BMPER: variants seen among roughly 807,000 people sequenced by gnomAD.
BMPER encodes BMP-binding endothelial regulator protein.
A neutral mutation model predicts 87.3 loss-of-function variants in BMPER; 45 were observed. That is an observed-to-expected ratio of 0.52 (90% CI 0.41 to 0.66). The LOEUF is 0.66. Ranked by LOEUF, BMPER falls within the 30% of genes least tolerant of loss-of-function variation. BMPER has a pLI of 0.00. For missense variants in BMPER, 784 were observed against 867.5 expected (o/e 0.90, Z 1.21); for synonymous variants, 326 against 316.2 (o/e 1.03, Z -0.33).
chr7:33,951,510 A>G (rs1247930747), intron 3 of BMPER, among the ~76,000 whole-genome samples: 5 of 152,058 alleles, frequency 3.3e-5, no homozygotes, highest in Admixed American at 2.6e-4. Flanking sequence ...CCCGGCATCC[A>G]TGGGTACTTG....
intron 13 of BMPER, among the ~76,000 whole-genome samples, chr7:34,128,643 A>C (rs945088339): frequency 6.6e-6 from 1 of 152,232 alleles, no homozygotes; most frequent in Admixed American, 6.5e-5. Flanking sequence ...TTTTTATGTT[A>C]TATAATGTGT....
At chr7:33,988,261 T>C (rs1302526293) in intron 6 of BMPER, among the ~76,000 whole-genome samples, 1 of 152,188 alleles carries the variant, frequency 6.6e-6, no homozygotes, top group Non-Finnish European at 1.5e-5. Context: ...TTTTTTGACA[T>C]TGATGGGAAA....
chr7:33,972,966 T>C (rs1477145700), intron 5 of BMPER, among the ~76,000 whole-genome samples: 1 of 152,176 alleles, frequency 6.6e-6, no homozygotes, highest in Non-Finnish European at 1.5e-5. Flanking sequence ...TTGGGTATCT[T>C]CCTTGGTCAC....
intron 3 of BMPER, among the ~76,000 whole-genome samples, chr7:33,955,133 G>A (rs942115026): frequency 5.3e-5 from 8 of 152,214 alleles, no homozygotes; most frequent in African/African-American, 1.9e-4. Flanking sequence ...TCGATCTCAG[G>A]TGATTTGCCT....
rs60588204 is a variant in BMPER, at chr7:34,070,816, C to CTTTTTTTTTTTTTTTTTT, written c.1079-8038_1079-8021dup. ...TCCCAAACTAATTTGAGCGGCAGAG[C>CTTTTTTTTTTTTTTTTTT]TTTTTTTTTTTTTTTTTTTTAATTT... On this transcript the variant is annotated intron_variant, in intron 11 of 14. Coordinates refer to ENST00000649409, the MANE Select transcript of BMPER (RefSeq NM_001365308.1). Among the ~76,000 whole-genome samples the CTTTTTTTTTTTTTTTTTT allele has an allele frequency of 1.7e-5, 2 of 119,502 alleles. 1 individual carries two copies. The highest frequency in any genetic ancestry group is 6.2e-5 in the African/African-American group (2 of 32,152). 78.4% of individuals were successfully genotyped at this position (119,502 alleles called of 152,430 possible).
rs559217146 is a variant in BMPER at position 33,967,918 on chromosome 7, T to A, written c.402+1357T>A. 4.1e-4 allele frequency among the ~76,000 whole-genome samples: 62 copies of A among 152,304 alleles called. No homozygotes were observed. In the South Asian group the frequency reaches 0.013, roughly 31 times the overall value. ...TTGCATGGACCAGTCATGGGTGAAT[T>A]TTGCTGCCTTTGGATGAAGACTTTG... is the stretch of plus-strand genomic sequence containing the variant. On this transcript the variant is annotated intron_variant, in intron 4 of 14. Coordinates refer to ENST00000649409, the MANE Select transcript of BMPER (RefSeq NM_001365308.1).
intron 6 of BMPER, among the ~76,000 whole-genome samples, chr7:34,014,465 G>C (rs1786968195): frequency 1.3e-5 from 2 of 152,038 alleles, no homozygotes; most frequent in African/African-American, 2.4e-5. Context: ...AGGCCACCCT[G>C]TGTCCCATTT....
At chr7:33,909,693 A>AAAAAAAAAAAAAAAG (rs10655768) in intron 2 of BMPER, among the ~76,000 whole-genome samples, 2 of 138,918 alleles carry the variant, frequency 1.4e-5, no homozygotes, top group African/African-American at 2.7e-5. Flanking sequence ...AAAAAAAAAA[A>AAAAAAAAAAAAAAAG]AAAGAAAGAA....
intron 10 of BMPER, among the ~76,000 whole-genome samples, chr7:34,061,129 A>G (rs1466262418): frequency 6.6e-6 from 1 of 152,232 alleles, no homozygotes; most frequent in Non-Finnish European, 1.5e-5. Context: ...TAAGTATTAA[A>G]TCCTTATCAC....
At position 34,029,340 on chromosome 7, in the gene BMPER, T is replaced by C. The variant is rs779732454; in HGVS notation, c.577-16966T>C. Among the ~76,000 whole-genome samples, 84 of 152,118 alleles carry C rather than the reference T, an allele frequency of 5.5e-4. 1 individual carries two copies. Among genetic ancestry groups the C allele is most frequent in the Non-Finnish European group, 1.2e-4 (8 of 67,996 alleles). On this transcript the variant is annotated intron_variant, in intron 6 of 14. Transcript: ENST00000649409. ...TGTTGATATTATTTTAATTTCAGCG[T>C]TGGGGGACCAGGCTAGAGATGGGAG...
At position 33,933,205 on chromosome 7, in the gene BMPER, T is replaced by G. The variant is rs568063940; in HGVS notation, c.220-4084T>G. ...ATGTTTTACTCCCTATGCCCCCCTT[T>G]TAGTTTTTCATGTTGGCACTTCATT... is the stretch of plus-strand genomic sequence containing the variant. On this transcript the variant is annotated intron_variant, in intron 2 of 14. Transcript: ENST00000649409. Among the ~76,000 whole-genome samples, 3 of 152,322 alleles carry G rather than the reference T, an allele frequency of 2.0e-5. No homozygotes were observed. The East Asian group carries it at 5.8e-4, about 29-fold the overall frequency.
chr7:34,152,304 G>A (rs2127997141), intron 14 of BMPER, among the ~76,000 whole-genome samples: 1 of 152,214 alleles, frequency 6.6e-6, no homozygotes, highest in Admixed American at 6.5e-5. Context: ...ATGAGGGGCG[G>A]CCCCTTCAAC....
chr7:34,002,237 A>G (rs1247372534), intron 6 of BMPER, among the ~76,000 whole-genome samples: 1 of 151,782 alleles, frequency 6.6e-6, no homozygotes, highest in Non-Finnish European at 1.5e-5. Context: ...AATGATACAC[A>G]TTTTGTAGAA....
At chr7:33,966,605 G>A (rs1183699524) in intron 4 of BMPER, 44 bp downstream of exon 4, 1 of 1,579,990 alleles carries the variant, frequency 6.3e-7, no homozygotes, top group South Asian at 1.1e-5. Flanking sequence ...GGAATCCATA[G>A]AGTCCTCTTT....
intron 3 of BMPER, among the ~76,000 whole-genome samples, chr7:33,956,939 C>T (rs1006529443): frequency 2.0e-5 from 3 of 152,154 alleles, no homozygotes; most frequent in African/African-American, 4.8e-5. Context: ...AGAGTGATAA[C>T]ACCAAATGCT....
intron 6 of BMPER, among the ~76,000 whole-genome samples, chr7:33,989,937 G>A (rs373619766): frequency 5.3e-4 from 81 of 152,156 alleles, no homozygotes; most frequent in Admixed American, 7.2e-4. Flanking sequence ...GATATGCGGC[G>A]TTATTTCTGA....
chr7:33,915,933 T>G (rs1784078611), intron 2 of BMPER, among the ~76,000 whole-genome samples: 1 of 152,182 alleles, frequency 6.6e-6, no homozygotes, highest in African/African-American at 2.4e-5. Context: ...AACATCTCTA[T>G]CTTCATCATG....
chr7:33,924,501 G>A lies in BMPER; in HGVS notation c.220-12788G>A, dbSNP rs914924287. The stretch of plus-strand genomic sequence containing the variant: ...TCTCACCGTGCTCCAGCTGCGCGCT[G>A]TGCTCCTCCTTACTCCTACGGGATA... On this transcript the variant is annotated intron_variant, in intron 2 of 14. Transcript: ENST00000649409. Among the ~76,000 whole-genome samples the A allele has an allele frequency of 1.1e-4, 16 of 152,138 alleles. No homozygotes were observed. The East Asian group carries it at 3.1e-3, about 29-fold the overall frequency.
chr7:33,926,760 C>T (rs1433103779), intron 2 of BMPER, among the ~76,000 whole-genome samples: 1 of 152,220 alleles, frequency 6.6e-6, no homozygotes, highest in African/African-American at 2.4e-5. Context: ...TGCCTTCATA[C>T]AGGGGACGCT....
Sources: allele counts gnomAD v4.1 joint callset (sites outside exome capture counted in the v4.1 genomes callset), GRCh38; gene constraint gnomAD v4.1.1; transcripts MANE v1.5; gene names NCBI Gene and HGNC (gene_info 2026-07-23, HGNC 2026-07-21).